The following MAPKAP1 variants were observed in gnomAD, a reference collection of about 807,000 sequenced individuals.
MAPKAP1 encodes target of rapamycin complex 2 subunit MAPKAP1.
Under a neutral mutation model 65.7 loss-of-function variants are expected in MAPKAP1, and 20 were observed. That is an observed-to-expected ratio of 0.30 (90% CI 0.21 to 0.44). MAPKAP1 has a LOEUF of 0.44. MAPKAP1 is among the 20% of genes least tolerant of loss of function. The pLI is 1.00. For synonymous variants in MAPKAP1, 222 were observed against 244.3 expected (o/e 0.91, Z 0.85); for missense variants, 423 against 648.0 (o/e 0.65, Z 3.77).
intron 6 of MAPKAP1, among the ~76,000 whole-genome samples, chr9:125,551,854 C>G (rs1225758576): frequency 6.6e-6 from 1 of 152,196 alleles, no homozygotes; most frequent in Non-Finnish European, 1.5e-5. Context: ...AGGCAGGTCC[C>G]TATCCTTGAG....
At chr9:125,495,243 G>A (rs1366057629) in intron 8 of MAPKAP1, among the ~76,000 whole-genome samples, 1 of 152,166 alleles carries the variant, frequency 6.6e-6, no homozygotes, top group African/African-American at 2.4e-5. Context: ...GAGAGTCAGA[G>A]GATGAGGGCA....
chr9:125,608,266 G>A (rs1388562423), intron 4 of MAPKAP1, among the ~76,000 whole-genome samples: 1 of 152,212 alleles, frequency 6.6e-6, no homozygotes, highest in Admixed American at 6.5e-5. Flanking sequence ...GACAAAGGAA[G>A]CAAAGCTTTT....
intron 1 of MAPKAP1, among the ~76,000 whole-genome samples, chr9:125,680,555 A>G (rs1177799153): frequency 6.6e-6 from 1 of 152,224 alleles, no homozygotes; most frequent in East Asian, 1.9e-4. Flanking sequence ...CAATTTCATT[A>G]AGCAGTAAAT....
At chr9:125,458,300 G>A (rs1188581401) in intron 10 of MAPKAP1, among the ~76,000 whole-genome samples, 2 of 151,620 alleles carry the variant, frequency 1.3e-5, no homozygotes, top group Non-Finnish European at 2.9e-5. Flanking sequence ...AATAGTGGAG[G>A]GAAGGTCAGC....
intron 10 of MAPKAP1, among the ~76,000 whole-genome samples, chr9:125,446,637 C>A (rs1238846450): frequency 6.6e-6 from 1 of 152,100 alleles, no homozygotes; most frequent in East Asian, 1.9e-4. Context: ...GAGACACCCC[C>A]TCCAGGAGGC....
intron 5 of MAPKAP1, among the ~76,000 whole-genome samples, chr9:125,561,395 T>C (rs1214845198): frequency 6.6e-6 from 1 of 152,246 alleles, no homozygotes; most frequent in African/African-American, 2.4e-5. Context: ...TTAAAATTAA[T>C]GGAAACTGTA....
intron 5 of MAPKAP1, among the ~76,000 whole-genome samples, chr9:125,578,669 A>G (rs1312665279): frequency 5.3e-5 from 8 of 152,238 alleles, no homozygotes; most frequent in Non-Finnish European, 2.9e-5. Context: ...ACCGGTTTAT[A>G]CTGAAGTAGA....
intron 10 of MAPKAP1, among the ~76,000 whole-genome samples, chr9:125,463,536 C>T (rs766346697): frequency 2.0e-5 from 3 of 152,232 alleles, no homozygotes; most frequent in Non-Finnish European, 2.9e-5. Flanking sequence ...ATAGCCTTAA[C>T]TGAATCTCAT....
At chr9:125,537,162 CACCATTT>C (rs748648757) in intron 7 of MAPKAP1, among the ~76,000 whole-genome samples, 8 of 152,196 alleles carry the variant, frequency 5.3e-5, no homozygotes, top group Non-Finnish European at 8.8e-5. Context: ...AATTTAGATT[CACCATTT>C]ACTTACTAAG....
Position 125,693,846 on chromosome 9 carries a change from T to TACACAC in MAPKAP1, c.-70+13119_-70+13124dup, listed in dbSNP as rs1554844769. 5.5e-3 allele frequency among the ~76,000 whole-genome samples: 739 copies of TACACAC among 135,544 alleles called. 12 individuals are homozygous for TACACAC. Among genetic ancestry groups the TACACAC allele is most frequent in the African/African-American group, 0.018 (655 of 36,666 alleles). The allele number at this position is 135,544 out of a possible 152,430, so 88.9% of individuals were successfully genotyped here. ...ACACACACACATATATATACACACA[T>TACACAC]ACACACACACACACACACACACACA... On this transcript the variant is annotated intron_variant, in intron 1 of 11. Coordinates refer to ENST00000265960, the MANE Select transcript of MAPKAP1 (RefSeq NM_001006617.3).
chr9:125,667,777 G>A (rs1352775143), intron 3 of MAPKAP1, among the ~76,000 whole-genome samples: 5 of 152,082 alleles, frequency 3.3e-5, no homozygotes, highest in African/African-American at 7.2e-5. Context: ...AAGGGTGGCT[G>A]GAGAGACAGA....
intron 7 of MAPKAP1, among the ~76,000 whole-genome samples, chr9:125,530,153 G>A (rs1322361387): frequency 6.6e-6 from 1 of 152,186 alleles, no homozygotes; most frequent in East Asian, 1.9e-4. Context: ...TAAAGCAAGG[G>A]TTTTTTCATA....
chr9:125,453,110 T>G (rs1294909172), intron 10 of MAPKAP1, among the ~76,000 whole-genome samples: 1 of 152,196 alleles, frequency 6.6e-6, no homozygotes, highest in African/African-American at 2.4e-5. Context: ...CAGGCTAGAG[T>G]GCAGTGGCAT....
chr9:125,605,040 C>G (rs1832402457), intron 4 of MAPKAP1, among the ~76,000 whole-genome samples: 1 of 152,154 alleles, frequency 6.6e-6, no homozygotes, highest in Admixed American at 6.5e-5. Context: ...TTAAATGACT[C>G]CTTTATTTAC....
chr9:125,677,943 G>A (rs1371288229), intron 1 of MAPKAP1, among the ~76,000 whole-genome samples: 1 of 151,976 alleles, frequency 6.6e-6, no homozygotes, highest in Non-Finnish European at 1.5e-5. Context: ...TTGAGACAAG[G>A]TCTCACTCCC....
chr9:125,693,223 G>A (rs944164932), intron 1 of MAPKAP1, among the ~76,000 whole-genome samples: 2 of 151,906 alleles, frequency 1.3e-5, no homozygotes, highest in Non-Finnish European at 2.9e-5. Context: ...GACCAGCCTG[G>A]CCAACATGGT....
intron 1 of MAPKAP1, among the ~76,000 whole-genome samples, chr9:125,699,311 C>T (rs746126660): frequency 6.6e-6 from 1 of 151,996 alleles, no homozygotes; most frequent in African/African-American, 2.4e-5. Context: ...CGGGCTCAAA[C>T]GATCCTCCTG....
chr9:125,688,971 C>T (rs1157651098), intron 1 of MAPKAP1, among the ~76,000 whole-genome samples: 1 of 152,162 alleles, frequency 6.6e-6, no homozygotes, highest in Non-Finnish European at 1.5e-5. Flanking sequence ...TACTCCACTC[C>T]TTACACACAA....
chr9:125,519,695 AC>A (rs1395704528), intron 7 of MAPKAP1, among the ~76,000 whole-genome samples: 8 of 148,816 alleles, frequency 5.4e-5, no homozygotes, highest in African/African-American at 1.7e-4. Context: ...AATAACAAAA[AC>A]TGTTTACAAA....
Sources: allele counts gnomAD v4.1 joint callset (sites outside exome capture counted in the v4.1 genomes callset), GRCh38; gene constraint gnomAD v4.1.1; transcripts MANE v1.5; gene names NCBI Gene and HGNC (gene_info 2026-07-23, HGNC 2026-07-21).